Variants in CTTN observed in about 807,000 individuals in gnomAD.
The protein encoded by CTTN is src substrate cortactin.
A neutral mutation model predicts 84.0 loss-of-function variants in CTTN; 28 were observed. The observed-to-expected ratio is 0.33, with a 90% CI of 0.25 to 0.46. CTTN has a LOEUF of 0.46. CTTN is among the 20% of genes least tolerant of loss of function. CTTN has a pLI of 1.00. For synonymous variants in CTTN, 301 were observed against 288.8 expected (o/e 1.04, Z -0.43); for missense variants, 641 against 723.8 (o/e 0.89, Z 1.31).
At chr11:70,422,222 G>A (rs1353661419) in intron 11 of CTTN, 1 of 342,618 alleles carries the variant, frequency 2.9e-6, no homozygotes, top group Non-Finnish European at 5.8e-6. Flanking sequence ...TCAAAATTTG[G>A]ACTTGGTTAT....
At chr11:70,407,239 G>C in intron 2 of CTTN, 59 bp from the exon 3 acceptor site, 4 of 1,441,318 alleles carry the variant, frequency 2.8e-6, no homozygotes, top group Non-Finnish European at 3.8e-6. Context: ...GGGCTCATCT[G>C]CTGGCCTCTG....
At position 70,409,973 on chromosome 11, in the gene CTTN, C is replaced by G. The variant is rs372555751; in HGVS notation, c.291+13C>G. On this transcript the variant is annotated intron_variant, in intron 5 of 17. Coordinates refer to ENST00000301843, the MANE Select transcript of CTTN (RefSeq NM_005231.4). ...CCGAATGGATAAGGTAAGTGGCCCG[C>G]GGCTGCCTATGCCAGGCTCCTGGTG... 1.9e-6 allele frequency: 3 copies of G among 1,613,566 alleles called. No individual in the cohort carries two copies. In the African/African-American group the frequency reaches 4.0e-5, roughly 22 times the overall value.
intron 5 of CTTN, among the ~76,000 whole-genome samples, chr11:70,411,980 T>C (rs1267787792): frequency 1.3e-5 from 2 of 152,184 alleles, no homozygotes; most frequent in South Asian, 2.1e-4. Context: ...AGGAGGCTTA[T>C]GGAGCCTTGC....
chr11:70,421,791 T>G, intron 11 of CTTN: 1 of 552,838 alleles, frequency 1.8e-6, no homozygotes, highest in South Asian at 2.3e-5. Flanking sequence ...ACTTGTGATC[T>G]GTGTATGGCA....
rs144420116 is a variant in CTTN, at chr11:70,431,225, T to G, written c.1211T>G (p.Val404Gly). 74 of 1,614,206 alleles carry G rather than the reference T, an allele frequency of 4.6e-5. No homozygotes were observed. The highest frequency in any genetic ancestry group is 6.7e-5 in the African/African-American group (5 of 75,040). Residue 404 changes from valine to glycine, a missense_variant, in exon 15 of 18, where the codon GTG (valine) becomes GGG (glycine). Physicochemically the swap from Val to Gly is moderately radical, Grantham distance 109. Transcript: ENST00000301843. ...AGAGCCAAAACGCAAACGCCCCCTG[T>G]GTCGCCCGCACCTCAGCCAACCGAG... Reference protein sequence around the residue: ...QARAKTQTPPVSPAPQPTEER... With the variant: ...QARAKTQTPPGSPAPQPTEER...
At chr11:70,431,126 A>G in intron 14 of CTTN, 65 bp from the exon 15 acceptor site, 1 of 1,508,306 alleles carries the variant, frequency 6.6e-7, no homozygotes, top group Non-Finnish European at 9.2e-7. Flanking sequence ...CTTCTGAAAC[A>G]CGGCAGGCGT....
At chr11:70,424,898 T>C (rs1446833940) in intron 12 of CTTN, among the ~76,000 whole-genome samples, 2 of 152,240 alleles carry the variant, frequency 1.3e-5, no homozygotes, top group South Asian at 2.1e-4. Flanking sequence ...CGCCGTCGCT[T>C]GGTCAGACCA....
intron 15 of CTTN, among the ~76,000 whole-genome samples, chr11:70,431,696 C>T (rs1339270382): frequency 2.0e-5 from 3 of 152,158 alleles, no homozygotes; most frequent in Admixed American, 6.5e-5. Flanking sequence ...AATCTGCCTT[C>T]TATGCCTGCC....
rs1436680628 is a variant in CTTN at position 70,433,286 on chromosome 11, G to T, written c.1444+8G>T. On this transcript the variant is annotated splice_region_variant and intron_variant, in intron 16 of 17. Coordinates refer to ENST00000301843, the MANE Select transcript of CTTN (RefSeq NM_005231.4). ...CGGGCCACTATCCCGCAGGTACTGG[G>T]GCCCCACGCTGCAGCGCCCTGCCCA... The T allele has an allele frequency of 6.2e-7, 1 of 1,603,010 alleles. No individual in the cohort carries two copies. The highest frequency in any genetic ancestry group is 1.1e-5 in the South Asian group (1 of 90,688).
rs1298934860 is a variant in CTTN, at chr11:70,436,422, T to C, written c.*1260T>C. 3.1e-6 allele frequency: 5 copies of C among 1,596,510 alleles called. No homozygotes were observed. The highest frequency in any genetic ancestry group is 2.2e-5 in the East Asian group (1 of 44,870). ...GAGTGCCCGTGAAGCGTGTTTTTGC[T>C]CCTGAGGTGCATTTTCTCATCATCC... On this transcript the variant is annotated 3_prime_UTR_variant, in exon 18 of 18. Transcript: ENST00000301843.
rs1421761009 is a variant in CTTN at position 70,435,688 on chromosome 11, C to G, written c.*526C>G. ...AGCTAAGTCACCCAGAGCACAGGAG[C>G]TGCCATGTCAGATGGGAAATCTGCC... On this transcript the variant is annotated 3_prime_UTR_variant, in exon 18 of 18. Coordinates refer to ENST00000301843, the MANE Select transcript of CTTN (RefSeq NM_005231.4). The G allele has an allele frequency of 6.3e-7, 1 of 1,597,638 alleles. No homozygotes were observed. The highest frequency in any genetic ancestry group is 8.5e-7 in the Non-Finnish European group (1 of 1,179,528).
At chr11:70,408,201 C>T (rs182892827) in intron 4 of CTTN, 4 of 152,354 alleles carry the variant, frequency 2.6e-5, no homozygotes, top group South Asian at 2.1e-4. Flanking sequence ...TTTTAGGCCA[C>T]GCTGGGTTCA....
chr11:70,407,333 C>T lies in CTTN; in HGVS notation c.36C>T (p.Ile12=), dbSNP rs755755271. 55 of 1,557,540 alleles carry T rather than the reference C, an allele frequency of 3.5e-5. 1 individual carries two copies. The highest frequency in any genetic ancestry group is 1.6e-4 in the Admixed American group (8 of 51,350). The change falls in exon 3 of 18, where the codon ATC becomes ATT. Residue 12 remains isoleucine (I), a synonymous_variant. Coordinates refer to ENST00000301843, the MANE Select transcript of CTTN (RefSeq NM_005231.4). ...CTTCAGCAGGCCACGCTGTGTCCAT[C>T]GCCCAGGATGACGCGGGGGCCGATG... is the stretch of plus-strand genomic sequence containing the variant. ...WKASAGHAVS[I]AQDDAGADDW...
At position 70,422,921 on chromosome 11, in the gene CTTN, G is replaced by A; in HGVS notation, c.902-19G>A. 2 of 1,614,152 alleles carry A rather than the reference G, an allele frequency of 1.2e-6. No individual in the cohort carries two copies. Among genetic ancestry groups the A allele is most frequent in the Non-Finnish European group, 1.7e-6 (2 of 1,180,010 alleles). On this transcript the variant is annotated intron_variant, in intron 11 of 17. Coordinates refer to ENST00000301843, the MANE Select transcript of CTTN (RefSeq NM_005231.4). ...TCGCCTCCACCTCAGAGTAAGTGTT[G>A]TGTTTTGCCACGTTTCAGACTACTC...
chr11:70,415,633 C>T (rs2135568325), intron 6 of CTTN, 30 bp from the exon 7 acceptor site: 2 of 1,595,892 alleles, frequency 1.3e-6, no homozygotes, highest in Non-Finnish European at 1.7e-6. Flanking sequence ...TATTTCTCCC[C>T]ACTTTTTCAT....
intron 8 of CTTN, 116 bp downstream of exon 8, chr11:70,417,239 C>G: frequency 1.3e-6 from 1 of 786,854 alleles, no homozygotes; most frequent in African/African-American, 1.7e-5. Context: ...GTTTGGTGTT[C>G]TTTTCGTACC....
Position 70,435,525 on chromosome 11 carries a change from G to A in CTTN, c.*363G>A, listed in dbSNP as rs750947022. On this transcript the variant is annotated 3_prime_UTR_variant, in exon 18 of 18. Coordinates refer to ENST00000301843, the MANE Select transcript of CTTN (RefSeq NM_005231.4). Reference sequence around the variant, plus strand: ...GCCCTCGTGCCCATCAAGTGCAGTCGGGACCTCCCAGGACAAGCACGAGGC... The same window carrying A: ...GCCCTCGTGCCCATCAAGTGCAGTCAGGACCTCCCAGGACAAGCACGAGGC... 7 of 1,562,634 alleles carry A rather than the reference G, an allele frequency of 4.5e-6. No homozygotes were observed. Among genetic ancestry groups the A allele is most frequent in the Non-Finnish European group, 5.2e-6 (6 of 1,161,740 alleles).
chr11:70,414,955 A>G (rs2275989), intron 6 of CTTN, among the ~76,000 whole-genome samples: 5,304 of 152,176 alleles, frequency 0.035, 135 homozygotes, highest in East Asian at 0.083. Context: ...TGTTTCTCAC[A>G]TGTGTGTTAC....
chr11:70,435,600 G>A lies in CTTN; in HGVS notation c.*438G>A. 6.3e-7 allele frequency: 1 copy of A among 1,582,040 alleles called. No homozygotes were observed. Among genetic ancestry groups the A allele is most frequent in the Non-Finnish European group, 8.5e-7 (1 of 1,171,632 alleles). On this transcript the variant is annotated 3_prime_UTR_variant, in exon 18 of 18. Coordinates refer to ENST00000301843, the MANE Select transcript of CTTN (RefSeq NM_005231.4). ...GGCAGGAAGGACTGTCCCAGACGAG[G>A]GGCTTCCTCTAGAGTCTCACTGCTG...
Sources: allele counts gnomAD v4.1 joint callset (sites outside exome capture counted in the v4.1 genomes callset), GRCh38; gene constraint gnomAD v4.1.1; transcripts MANE v1.5; gene names NCBI Gene and HGNC (gene_info 2026-07-23, HGNC 2026-07-21).